YLPM1: variants seen among roughly 807,000 people sequenced by gnomAD.
YLPM1 encodes the protein YLP motif containing 1, also known as YLP motif-containing protein 1.
Under a neutral mutation model 230.0 loss-of-function variants are expected in YLPM1, and 99 were observed. The ratio of observed to expected loss-of-function variants is 0.43; its 90% CI spans 0.37 to 0.51. The LOEUF is 0.51. Ranked by LOEUF, YLPM1 falls within the 20% of genes least tolerant of loss-of-function variation. The probability of loss-of-function intolerance (pLI) is 0.00; values close to 1 mark genes in which losing one functional copy is unlikely to be tolerated. For synonymous variants in YLPM1, 984 were observed against 942.5 expected, an observed-to-expected ratio of 1.04 and a Z score of -0.81; for missense variants, 2,592 against 2,707.7, an observed-to-expected ratio of 0.96 and a Z score of 0.95.
chr14:74,769,438 C>T (rs1396635476), intron 1 of YLPM1, among the ~76,000 whole-genome samples: 3 of 151,596 alleles, frequency 2.0e-5, no homozygotes, highest in African/African-American at 7.3e-5. Flanking sequence ...AGGCGCCTGC[C>T]ACCACGCTTG....
chr14:74,764,040 T>G lies in YLPM1; in HGVS notation c.551T>G (p.Leu184Arg). The G allele has an allele frequency of 2.5e-6, 4 of 1,606,328 alleles. No homozygotes were observed. Among genetic ancestry groups the G allele is most frequent in the Non-Finnish European group, 3.4e-6 (4 of 1,177,790 alleles). ...YYPPTSSQPYLPPAQPSPSQS... is the reference protein window; with the variant it reads ...YYPPTSSQPYRPPAQPSPSQS... ...CCCCCGACCTCATCTCAGCCCTACC[T>G]GCCTCCTGCTCAGCCGTCCCCTTCG... Residue 184 changes from leucine (L) to arginine (R), a missense_variant, in exon 1 of 21, where the codon CTG becomes CGG. This residue lies in a region of YLPM1 where 1,862 missense variants were observed against 1,819.8 expected (regional missense o/e 1.02). Transcript: ENST00000325680.
chr14:74,817,018 T>A lies in YLPM1; in HGVS notation c.5773T>A (p.Phe1925Ile). Residue 1925 changes from phenylalanine to isoleucine, a missense_variant, in exon 14 of 21, where the codon TTT becomes ATT. Phe to Ile is a conservative substitution (Grantham distance 21). This residue lies in a region of YLPM1 where 315 missense variants were observed against 429.3 expected (regional missense o/e 0.73). Coordinates refer to ENST00000325680, the MANE Select transcript of YLPM1 (RefSeq NM_019589.3). ...TTTCAAAAAGACTCTGGATGATGGC[T>A]TTTTTCCCTTCATCATCCTGGATGC... ...KTFKKTLDDGFFPFIILDAIN... is the reference protein window; with the variant it reads ...KTFKKTLDDGIFPFIILDAIN... 6.2e-7 allele frequency: 1 copy of A among 1,611,318 alleles called. No homozygotes were observed. The highest frequency in any genetic ancestry group is 8.5e-7 in the Non-Finnish European group (1 of 1,178,832).
chr14:74,816,459 AT>A, intron 12 of YLPM1, 111 bp from the exon 13 acceptor site: 1 of 1,400,078 alleles, frequency 7.1e-7, no homozygotes, highest in Non-Finnish European at 9.6e-7. Context: ...CCTCTGCTTG[AT>A]TTGAAACCAC....
At chr14:74,786,246 C>CTG (rs1172253938) in intron 4 of YLPM1, among the ~76,000 whole-genome samples, 9 of 151,628 alleles carry the variant, frequency 5.9e-5, no homozygotes, top group African/African-American at 1.9e-4. Context: ...CCTGTAGTCC[C>CTG]AGCTACTTGG....
intron 5 of YLPM1, among the ~76,000 whole-genome samples, chr14:74,801,765 T>A (rs1281254293): frequency 2.6e-5 from 4 of 152,228 alleles, no homozygotes; most frequent in Non-Finnish European, 5.9e-5. Context: ...TGTTACCATA[T>A]CTCTTTAAGA....
intron 19 of YLPM1, 190 bp from the exon 20 acceptor site, chr14:74,835,075 A>G: frequency 1.6e-6 from 1 of 644,566 alleles, no homozygotes; most frequent in South Asian, 2.3e-5. Context: ...TAGGACTTGG[A>G]TTGTCCAGAG....
chr14:74,803,928 C>T (rs773773489), intron 6 of YLPM1, among the ~76,000 whole-genome samples: 9 of 152,146 alleles, frequency 5.9e-5, no homozygotes, highest in Non-Finnish European at 1.2e-4. Flanking sequence ...GAGGCCAAGG[C>T]GGGTGGATCA....
chr14:74,771,501 T>A (rs2090975756), intron 1 of YLPM1, among the ~76,000 whole-genome samples: 1 of 152,178 alleles, frequency 6.6e-6, no homozygotes, highest in African/African-American at 2.4e-5. Context: ...AAAACCACAG[T>A]TACTTTGGCA....
intron 4 of YLPM1, among the ~76,000 whole-genome samples, chr14:74,784,803 A>G (rs1195881099): frequency 1.3e-5 from 2 of 152,070 alleles, no homozygotes; most frequent in Non-Finnish European, 2.9e-5. Flanking sequence ...CCCTCACCCT[A>G]CCTCACCCAG....
At chr14:74,810,464 T>C (rs1167001681) in intron 9 of YLPM1, 44 bp downstream of exon 9, 1 of 1,540,876 alleles carries the variant, frequency 6.5e-7, no homozygotes, top group Non-Finnish European at 8.9e-7. Context: ...AATTACTGTA[T>C]ACTTAACAGT....
intron 2 of YLPM1, among the ~76,000 whole-genome samples, chr14:74,779,210 G>C (rs1422001064): frequency 6.6e-6 from 1 of 152,150 alleles, no homozygotes; most frequent in Non-Finnish European, 1.5e-5. Context: ...CTTCTGAATT[G>C]AGTGCCTCTA....
At chr14:74,791,551 G>A (rs1264541008) in intron 4 of YLPM1, among the ~76,000 whole-genome samples, 1 of 152,132 alleles carries the variant, frequency 6.6e-6, no homozygotes, top group Admixed American at 6.5e-5. Context: ...TTCCCTTCTT[G>A]CCATTCTTTG....
rs2091100316 is a variant in YLPM1, at chr14:74,782,033, G to C, written c.1990G>C (p.Glu664Gln). Residue 664 changes from glutamate (E) to glutamine (Q), a missense_variant, in exon 4 of 21, where the codon GAG (glutamate) becomes CAG (glutamine). Glu to Gln is a conservative substitution (Grantham distance 29, BLOSUM62 2). This residue lies in a region of YLPM1 where 1,862 missense variants were observed against 1,819.8 expected (regional missense o/e 1.02). Transcript: ENST00000325680. ...CAGTTCACAGAGCTCGCAAGTTCCAGAGAAACCTAGACCAGCACTGCTTCC... is the reference window on the plus strand; with the variant it reads ...CAGTTCACAGAGCTCGCAAGTTCCACAGAAACCTAGACCAGCACTGCTTCC... ...ASSSQSSQVP[E>Q]KPRPALLPTP... The C allele has an allele frequency of 6.2e-7, 1 of 1,613,850 alleles. No homozygotes were observed. Among genetic ancestry groups the C allele is most frequent in the South Asian group, 1.1e-5 (1 of 91,090 alleles).
chr14:74,814,527 G>A (rs929212997), intron 11 of YLPM1, among the ~76,000 whole-genome samples: 4 of 152,124 alleles, frequency 2.6e-5, no homozygotes, highest in Admixed American at 6.5e-5. Flanking sequence ...GTGTGATTTT[G>A]GTTTTTAGTC....
intron 4 of YLPM1, among the ~76,000 whole-genome samples, chr14:74,788,364 C>T (rs920879197): frequency 2.0e-5 from 3 of 152,200 alleles, no homozygotes; most frequent in Non-Finnish European, 2.9e-5. Context: ...TCGTGATCCA[C>T]CCGCCTCGGC....
rs17102534 is a variant in YLPM1, at chr14:74,795,662, A to G, written c.2283-1918A>G. ...ACTAGGCATCACCTTCACTTACCCA[A>G]ATTGTAAAGATGATCTTTAAACTTT... On this transcript the variant is annotated intron_variant, in intron 4 of 20. Coordinates refer to ENST00000325680, the MANE Select transcript of YLPM1 (RefSeq NM_019589.3). Among the ~76,000 whole-genome samples, 1,061 of 152,262 alleles carry G rather than the reference A, an allele frequency of 7.0e-3. 16 individuals carry two copies. Among genetic ancestry groups the G allele is most frequent in the African/African-American group, 0.025 (1,019 of 41,546 alleles).
At position 74,832,687 on chromosome 14, in the gene YLPM1, G is replaced by A. The variant is rs1412391392; in HGVS notation, c.6295-2578G>A. Among the ~76,000 whole-genome samples, 8 of 152,088 alleles carry A rather than the reference G, an allele frequency of 5.3e-5. No homozygotes were observed. In the East Asian group the frequency reaches 1.5e-3, roughly 29 times the overall value. On this transcript the variant is annotated intron_variant, in intron 19 of 20. Transcript: ENST00000325680. ...GGGGTTTCGCCATGTTGGCCAGGCTGGTCTCAAACTCCTGACCTCAGGTGA... is the reference window on the plus strand; with the variant it reads ...GGGGTTTCGCCATGTTGGCCAGGCTAGTCTCAAACTCCTGACCTCAGGTGA...
intron 4 of YLPM1, among the ~76,000 whole-genome samples, chr14:74,794,990 T>G (rs986984530): frequency 2.0e-5 from 3 of 152,250 alleles, no homozygotes. Context: ...TTGAAAGATA[T>G]GGGCTATTAG....
intron 5 of YLPM1, among the ~76,000 whole-genome samples, chr14:74,800,497 A>G (rs2140113126): frequency 6.6e-6 from 1 of 152,366 alleles, no homozygotes; most frequent in Admixed American, 6.5e-5. Flanking sequence ...GAAGTCAGTG[A>G]CAGATTGAAA....
Sources: gnomAD v4.1 joint callset for allele counts (sites outside exome capture counted in the v4.1 genomes callset) on GRCh38, gnomAD v4.1.1 for gene constraint, gnomAD v4.1.1 regional missense constraint, MANE v1.5 for transcripts, NCBI Gene and HGNC (gene_info 2026-07-23, HGNC 2026-07-21) for gene names.